SYNE1: variants seen among roughly 807,000 people sequenced by gnomAD.
SYNE1 encodes nesprin-1.
SYNE1 carries 616 observed loss-of-function variants against 1,111.0 expected under a neutral mutation model. The observed-to-expected ratio is 0.55, with a 90% CI of 0.52 to 0.59. The LOEUF is 0.59. Among genes scored for constraint, SYNE1 ranks in the 20% least tolerant of loss-of-function variants. The pLI is 0.00. For synonymous variants in SYNE1, 3,855 were observed against 3,825.8 expected (o/e 1.01, Z -0.28); for missense variants, 10,006 against 10,417.0 (o/e 0.96, Z 1.72).
chr6:152,481,037 A>G (rs1236932318), intron 14 of SYNE1: 8 of 316,842 alleles, frequency 2.5e-5, no homozygotes, highest in Non-Finnish European at 4.9e-5. Context: ...AAACACACAG[A>G]TAGCATGTGC....
chr6:152,459,834 A>G (rs2098720952), intron 21 of SYNE1, among the ~76,000 whole-genome samples: 1 of 152,212 alleles, frequency 6.6e-6, no homozygotes, highest in South Asian at 2.1e-4. Context: ...CCAAAAAGTA[A>G]TCCTTGAAGA....
intron 114 of SYNE1, among the ~76,000 whole-genome samples, chr6:152,230,928 AAT>A (rs2082623467): frequency 6.6e-6 from 1 of 152,120 alleles, no homozygotes; most frequent in African/African-American, 2.4e-5. Flanking sequence ...GAACACTAAC[AAT>A]AGCCGACGAT....
At chr6:152,199,314 C>T (rs2074914596) in intron 127 of SYNE1, among the ~76,000 whole-genome samples, 2 of 152,046 alleles carry the variant, frequency 1.3e-5, no homozygotes, top group African/African-American at 4.8e-5. Flanking sequence ...TTTTTAAAAA[C>T]AGACACCTAA....
intron 128 of SYNE1, among the ~76,000 whole-genome samples, chr6:152,187,749 G>A (rs559101180): frequency 1.8e-4 from 28 of 151,634 alleles, no homozygotes; most frequent in African/African-American, 4.8e-4. Flanking sequence ...GAGAGAGATG[G>A]AGTTACGCTC....
intron 127 of SYNE1, among the ~76,000 whole-genome samples, chr6:152,193,635 T>C (rs2153270384): frequency 6.6e-6 from 1 of 152,310 alleles, no homozygotes; most frequent in South Asian, 2.1e-4. Context: ...TTCTTATTTA[T>C]ATCTTATCAT....
chr6:152,628,064 G>A (rs1314636125), intron 3 of SYNE1, among the ~76,000 whole-genome samples: 1 of 68,602 alleles, frequency 1.5e-5, no homozygotes, highest in African/African-American at 5.3e-5. Flanking sequence ...AAAAAAAGCT[G>A]TATTTTTATC....
chr6:152,626,504 C>A (rs1266692596), intron 3 of SYNE1, among the ~76,000 whole-genome samples: 1 of 152,136 alleles, frequency 6.6e-6, no homozygotes, highest in Non-Finnish European at 1.5e-5. Context: ...TTCAGCATTG[C>A]ATCTACCCAG....
chr6:152,166,465 CG>C (rs1409845066), intron 130 of SYNE1, among the ~76,000 whole-genome samples: 4 of 152,146 alleles, frequency 2.6e-5, no homozygotes, highest in African/African-American at 7.2e-5. Flanking sequence ...AAAATTCATT[CG>C]TTTTTTTGGT....
chr6:152,629,897 C>A (rs1318141646), intron 2 of SYNE1, among the ~76,000 whole-genome samples: 1 of 151,846 alleles, frequency 6.6e-6, no homozygotes, highest in African/African-American at 2.4e-5. Flanking sequence ...GATGGTGCAC[C>A]TTCCTGAAGG....
At position 152,536,398 on chromosome 6, in the gene SYNE1, A is replaced by ATAT. The variant is rs71017541; in HGVS notation, c.129+3561_129+3562insATA. On this transcript the variant is annotated intron_variant, in intron 4 of 145. Coordinates refer to ENST00000367255, the MANE Select transcript of SYNE1 (RefSeq NM_182961.4). Reference sequence around the variant, plus strand: ...TAGTAATATATATATATTTATATATATACTATATATAGTAATATATATATT... The same window carrying ATAT: ...TAGTAATATATATATATTTATATATATATTACTATATATAGTAATATATATATT... Among the ~76,000 whole-genome samples, 776 of 129,220 alleles carry ATAT rather than the reference A, an allele frequency of 6.0e-3. 10 individuals are homozygous for ATAT. The highest frequency in any genetic ancestry group is 0.015 in the African/African-American group (507 of 33,774). 84.8% of individuals were successfully genotyped at this position (129,220 alleles called of 152,430 possible).
At chr6:152,481,735 T>C (rs1279766265) in intron 14 of SYNE1, among the ~76,000 whole-genome samples, 1 of 151,418 alleles carries the variant, frequency 6.6e-6, no homozygotes, top group African/African-American at 2.4e-5. Flanking sequence ...TGATTCAAAA[T>C]TGACATGGCC....
rs765187168 is a variant in SYNE1, at chr6:152,244,528, AG to A, written c.19692+8del. 6.2e-7 allele frequency: 1 copy of A among 1,614,026 alleles called. No individual in the cohort carries two copies. The highest frequency in any genetic ancestry group is 2.2e-5 in the East Asian group (1 of 44,878). The stretch of plus-strand genomic sequence containing the variant: ...CCTGCAGCTGAATACTACTGGCTGA[AG>A]GCTGCACCTGGAGCTTGGAGAGTTC... On this transcript the variant is annotated splice_region_variant and intron_variant, in intron 106 of 145. Transcript: ENST00000367255.
At chr6:152,299,342 G>A (rs575388026) in intron 93 of SYNE1, among the ~76,000 whole-genome samples, 1 of 152,234 alleles carries the variant, frequency 6.6e-6, no homozygotes, top group East Asian at 1.9e-4. Flanking sequence ...ATCAAAGAAT[G>A]AGTAATACAT....
chr6:152,448,173 T>C (rs576353835), intron 28 of SYNE1, among the ~76,000 whole-genome samples: 18 of 152,348 alleles, frequency 1.2e-4, no homozygotes, highest in African/African-American at 4.1e-4. Flanking sequence ...TAGCAAGAAG[T>C]ATAAATGGGA....
At chr6:152,616,641 TGA>T (rs1301137007) in intron 3 of SYNE1, among the ~76,000 whole-genome samples, 1 of 152,152 alleles carries the variant, frequency 6.6e-6, no homozygotes, top group African/African-American at 2.4e-5. Flanking sequence ...GAGATGAGGA[TGA>T]GAGAGTCTCC....
At chr6:152,505,125 C>A in intron 9 of SYNE1, 76 bp downstream of exon 9, 1 of 1,509,752 alleles carries the variant, frequency 6.6e-7, no homozygotes, top group South Asian at 1.1e-5. Flanking sequence ...TCTTGGAAGT[C>A]ATGTGTATTT....
At chr6:152,525,043 T>C (rs962230288) in intron 5 of SYNE1, among the ~76,000 whole-genome samples, 1 of 151,950 alleles carries the variant, frequency 6.6e-6, no homozygotes, top group Non-Finnish European at 1.5e-5. Flanking sequence ...GCTGTCAGAG[T>C]ATATGGGAAT....
At chr6:152,548,190 A>C (rs1168013680) in intron 3 of SYNE1, among the ~76,000 whole-genome samples, 3 of 152,206 alleles carry the variant, frequency 2.0e-5, no homozygotes, top group Non-Finnish European at 2.9e-5. Flanking sequence ...CACAGAATGC[A>C]CTACAGACAA....
intron 22 of SYNE1, among the ~76,000 whole-genome samples, chr6:152,457,263 G>T (rs769421670): frequency 6.6e-6 from 1 of 152,050 alleles, no homozygotes; most frequent in Non-Finnish European, 1.5e-5. Context: ...TTACACTCAG[G>T]TATTGTAGCC....
Sources: gnomAD v4.1 joint callset for allele counts (sites outside exome capture counted in the v4.1 genomes callset) on GRCh38, gnomAD v4.1.1 for gene constraint, MANE v1.5 for transcripts, NCBI Gene and HGNC (gene_info 2026-07-23, HGNC 2026-07-21) for gene names.